The following SNAPC4 variants were observed in gnomAD, a reference collection of about 807,000 sequenced individuals.
The protein encoded by SNAPC4 is small nuclear RNA activating complex polypeptide 4, also known as snRNA-activating protein complex subunit 4.
SNAPC4 carries 127 observed loss-of-function variants against 151.3 expected under a neutral mutation model. The observed-to-expected ratio is 0.84, with a 90% CI of 0.73 to 0.97. The LOEUF is 0.97. Ranked by LOEUF, SNAPC4 falls within the 50% of genes least tolerant of loss-of-function variation. SNAPC4 has a pLI of 0.00. For missense variants in SNAPC4, 2,186 were observed against 1,935.0 expected (o/e 1.13, Z -2.43); for synonymous variants, 1,002 against 824.4 (o/e 1.22, Z -3.69).
chr9:136,379,884 G>A lies in SNAPC4; in HGVS notation c.2500-20C>T, dbSNP rs952009971. ...GGATGCCTGGAAATGAAAGAGAGGAGAGTCAGCAGCTCAGGTGTCCTCTGC... is the reference window on the plus strand; with the variant it reads ...GGATGCCTGGAAATGAAAGAGAGGAAAGTCAGCAGCTCAGGTGTCCTCTGC... On this transcript the variant is annotated intron_variant, in intron 20 of 23. Transcript: ENST00000684778. The A allele has an allele frequency of 6.8e-6, 11 of 1,610,690 alleles. No homozygotes were observed. In the East Asian group the frequency reaches 1.6e-4, roughly 23 times the overall value.
intron 18 of SNAPC4, 40 bp downstream of exon 18, chr9:136,381,784 C>T: frequency 1.3e-6 from 2 of 1,587,254 alleles, no homozygotes; most frequent in Non-Finnish European, 1.7e-6. Flanking sequence ...ATCCTCACCC[C>T]TCGCCCCCAG....
intron 1 of SNAPC4, among the ~76,000 whole-genome samples, 176 bp downstream of exon 1, chr9:136,399,958 G>A (rs1038552559): frequency 2.0e-5 from 3 of 152,090 alleles, no homozygotes; most frequent in Non-Finnish European, 4.4e-5. Context: ...ATCCCCGCGC[G>A]CCCAGGCTCG....
chr9:136,386,884 C>A (rs1833907968), intron 13 of SNAPC4, among the ~76,000 whole-genome samples: 2 of 152,192 alleles, frequency 1.3e-5, no homozygotes, highest in Admixed American at 1.3e-4. Flanking sequence ...TCCCAAGTAG[C>A]TGGGATTACA....
chr9:136,395,694 G>A lies in SNAPC4; in HGVS notation c.254C>T (p.Thr85Ile). The A allele has an allele frequency of 6.2e-7, 1 of 1,613,494 alleles. No homozygotes were observed. Among genetic ancestry groups the A allele is most frequent in the Admixed American group, 1.7e-5 (1 of 60,032 alleles). The stretch of plus-strand genomic sequence containing the variant: ...GTAGACCATGTTCAGCTGCAGGCAG[G>A]TTTCTGGGTCTTCAGGGAGGGTTTT... ...KDKTLPEDPETCLQLNMVYQE... is the reference protein window; with the variant it reads ...KDKTLPEDPEICLQLNMVYQE... The change falls in exon 4 of 24, where the codon ACC becomes ATC. Residue 85 changes from threonine to isoleucine, a missense_variant. Thr to Ile is a moderately conservative substitution (Grantham distance 89, BLOSUM62 -1). Coordinates refer to ENST00000684778, the MANE Select transcript of SNAPC4 (RefSeq NM_003086.4).
chr9:136,392,766 A>G lies in SNAPC4; in HGVS notation c.644T>C (p.Leu215Ser), dbSNP rs1267457589. 1.2e-6 allele frequency: 2 copies of G among 1,613,346 alleles called. No homozygotes were observed. The highest frequency in any genetic ancestry group is 4.5e-5 in the East Asian group (2 of 44,882). Residue 215 changes from leucine to serine, a missense_variant, in exon 8 of 24, where the codon TTG becomes TCG. Leu to Ser is a moderately radical substitution (Grantham distance 145). Transcript: ENST00000684778. The stretch of plus-strand genomic sequence containing the variant: ...GGAGACTTTGCTCTGCTTCTGGTGC[A>G]AGTACTCGAGCCTGCAAAGCAGAGC... ...LQPKLLKLEY[L>S]HQKQSKVSSE...
chr9:136,378,117 AG>A lies in SNAPC4; in HGVS notation c.3709del (p.Leu1237TrpfsTer170). ...GTQEPRGPLG[L>X]EKLPLRQPGP... ...AGGCTGGCGCAGGGGCAGCTTCTCC[AG>A]GCCCAGAGGCCCCCTGGGCTCCTGT... On this transcript the variant is annotated frameshift_variant, in exon 22 of 24. Transcript: ENST00000684778. LOFTEE classifies it high-confidence loss of function. The A allele has an allele frequency of 6.3e-7, 1 of 1,599,596 alleles. No individual in the cohort carries two copies. The highest frequency in any genetic ancestry group is 8.5e-7 in the Non-Finnish European group (1 of 1,174,336).
At chr9:136,385,804 T>C (rs1386958822) in intron 13 of SNAPC4, among the ~76,000 whole-genome samples, 2 of 152,180 alleles carry the variant, frequency 1.3e-5, no homozygotes, top group African/African-American at 4.8e-5. Context: ...TCTGTCCGCC[T>C]TGGCCTCCCA....
intron 10 of SNAPC4, among the ~76,000 whole-genome samples, chr9:136,390,322 G>A (rs982391105): frequency 6.6e-6 from 1 of 152,164 alleles, no homozygotes; most frequent in African/African-American, 2.4e-5. Flanking sequence ...TTGGGAGGCT[G>A]AGGCCGGCAG....
chr9:136,381,395 G>T lies in SNAPC4; in HGVS notation c.2318-3C>A, dbSNP rs770300337. 3.1e-6 allele frequency: 5 copies of T among 1,612,002 alleles called. No individual in the cohort carries two copies. In the South Asian group the frequency reaches 5.5e-5, roughly 18 times the overall value. The stretch of plus-strand genomic sequence containing the variant: ...CAGCTGCTCCCTGAGGCCATCCGCT[G>T]CGGGCACAGGGGGATAAGTGGAAAG... On this transcript the variant is annotated splice_polypyrimidine_tract_variant and splice_region_variant and intron_variant, in intron 18 of 23. Transcript: ENST00000684778.
rs777215337 is a variant in SNAPC4, at chr9:136,383,151, G to C, written c.1983+35C>G. ...GCCCTGGCGAGCGAGTGCCGAAAGT[G>C]CACTTCCCGTGGTACACCCAGGGCC... On this transcript the variant is annotated intron_variant, in intron 16 of 23. Coordinates refer to ENST00000684778, the MANE Select transcript of SNAPC4 (RefSeq NM_003086.4). This position sits in a 1 kb window ranked among gnomAD's most constrained non-coding sequence, Gnocchi z 4.2. The C allele has an allele frequency of 1.3e-6, 2 of 1,510,754 alleles. No individual in the cohort carries two copies. Among genetic ancestry groups the C allele is most frequent in the African/African-American group, 2.8e-5 (2 of 71,534 alleles). 93.6% of individuals were successfully genotyped at this position (1,510,754 alleles called of 1,614,324 possible).
intron 7 of SNAPC4, among the ~76,000 whole-genome samples, chr9:136,393,833 G>A (rs1026727026): frequency 2.0e-5 from 3 of 152,322 alleles, no homozygotes; most frequent in South Asian, 2.1e-4. Flanking sequence ...GGCAAGACCC[G>A]CTGCAGAGAA....
At position 136,379,226 on chromosome 9, in the gene SNAPC4, C is replaced by T. The variant is rs767277996; in HGVS notation, c.2601G>A (p.Ala867=). ...SASHKGSRRL[A]SSRVERTLPQ... ...GTAGGGTGCGCTCCACCCGGCTGGA[C>T]GCCAGTCTTCGGCTCCCTTTGTGGC... Residue 867 remains alanine (A), a synonymous_variant, in exon 22 of 24, where the codon GCG becomes GCA. Transcript: ENST00000684778. 65 of 1,612,102 alleles carry T rather than the reference C, an allele frequency of 4.0e-5. No individual in the cohort carries two copies. Among genetic ancestry groups the T allele is most frequent in the Admixed American group, 8.3e-5 (5 of 59,926 alleles).
chr9:136,396,277 C>T (rs1358006715), intron 3 of SNAPC4, among the ~76,000 whole-genome samples: 1 of 152,240 alleles, frequency 6.6e-6, no homozygotes, highest in African/African-American at 2.4e-5. Context: ...GCCACGCAAA[C>T]ATGAGGAAAC....
At chr9:136,395,014 T>C in intron 5 of SNAPC4, 136 bp from the exon 6 acceptor site, 1 of 836,674 alleles carries the variant, frequency 1.2e-6, no homozygotes, top group Non-Finnish European at 1.8e-6. Flanking sequence ...GCTGTGGGGG[T>C]GCAACCCTGC....
rs1040743196 is a variant in SNAPC4, at chr9:136,396,117, T to G, written c.178-347A>C. Among the ~76,000 whole-genome samples, 4 of 152,168 alleles carry G rather than the reference T, an allele frequency of 2.6e-5. No homozygotes were observed. The East Asian group carries it at 5.8e-4, about 22-fold the overall frequency. On this transcript the variant is annotated intron_variant, in intron 3 of 23. Coordinates refer to ENST00000684778, the MANE Select transcript of SNAPC4 (RefSeq NM_003086.4). ...TGAACTCTGTCCTGAGCCCCTGTCG[T>G]GTGCATCACCAGCAAAGCACGGGGA...
chr9:136,390,924 T>C (rs573595727), intron 10 of SNAPC4, among the ~76,000 whole-genome samples: 1 of 151,666 alleles, frequency 6.6e-6, no homozygotes, highest in Non-Finnish European at 1.5e-5. Flanking sequence ...AAGCTCCGCC[T>C]CCCGGGTTCA....
intron 13 of SNAPC4, among the ~76,000 whole-genome samples, chr9:136,386,434 ATT>A (rs1022722686): frequency 3.7e-4 from 48 of 128,910 alleles, no homozygotes; most frequent in Admixed American, 1.1e-3. Flanking sequence ...TCTACACTTC[ATT>A]TTTTTTTTTT....
Position 136,378,299 on chromosome 9 carries a change from T to A in SNAPC4, c.3528A>T (p.Gly1176=), listed in dbSNP as rs1437571335. The change falls in exon 22 of 24, where the codon GGA becomes GGT. Residue 1176 remains glycine, a synonymous_variant. Transcript: ENST00000684778. ...GTATCTCCCTGGCCACCTGGGCCTCTCCAGGGACAAAGGCCACACTGCCAT... is the reference window on the plus strand; with the variant it reads ...GTATCTCCCTGGCCACCTGGGCCTCACCAGGGACAAAGGCCACACTGCCAT... The part of the protein sequence containing the change: ...EADGSVAFVP[G]EAQVAREIPE... 1 of 1,604,364 alleles carries A rather than the reference T, an allele frequency of 6.2e-7. No homozygotes were observed. Among genetic ancestry groups the A allele is most frequent in the African/African-American group, 1.3e-5 (1 of 74,962 alleles).
Position 136,398,363 on chromosome 9 carries a change from A to C in SNAPC4, c.66T>G (p.Asp22Glu). ...QEIKELERIL[D>E]PGSSGSHVEI... The stretch of plus-strand genomic sequence containing the variant: ...CCACGTGGGAGCCCGAGGAGCCGGG[A>C]TCCAAAATCCTTTCCAGCTCCTTGA... Residue 22 changes from aspartate (D) to glutamate (E), a missense_variant, in exon 2 of 24, where the codon GAT (aspartate) becomes GAG (glutamate). Physicochemically the swap from Asp to Glu is conservative, Grantham distance 45. Transcript: ENST00000684778. 6.2e-7 allele frequency: 1 copy of C among 1,613,884 alleles called. No homozygotes were observed. The highest frequency in any genetic ancestry group is 8.5e-7 in the Non-Finnish European group (1 of 1,179,902).
Sources: gnomAD v4.1 joint callset for allele counts (sites outside exome capture counted in the v4.1 genomes callset) on GRCh38, gnomAD v4.1.1 for gene constraint, Gnocchi (gnomAD v3.1) non-coding constraint, MANE v1.5 for transcripts, NCBI Gene and HGNC (gene_info 2026-07-23, HGNC 2026-07-21) for gene names.